The following XAGE5 variants were observed in gnomAD, a reference collection of about 807,000 sequenced individuals.
XAGE5 encodes the protein G antigen, family D, 5.
A neutral mutation model predicts 13.1 loss-of-function variants in XAGE5; 13 were observed. The ratio of observed to expected loss-of-function variants is 0.99; its 90% CI spans 0.64 to 1.57. The LOEUF is 1.57. XAGE5 is among the 40% of genes most tolerant of loss of function. XAGE5 has a pLI of 0.00. For missense variants in XAGE5, 86 were observed against 77.6 expected (o/e 1.11, Z -0.41); for synonymous variants, 17 against 25.0 (o/e 0.68, Z 0.96).
At chrX:52,812,880 C>A (rs1556777564) in intron 3 of XAGE5, among the ~76,000 whole-genome samples, 1 of 111,357 alleles carries the variant, frequency 9.0e-6, no homozygotes, top group Non-Finnish European at 1.9e-5. Flanking sequence ...GCACATTACA[C>A]CCATTCAACC....
chrX:52,811,588 G>A lies in XAGE5; in HGVS notation c.-140G>A, dbSNP rs1283141110. 9.0e-6 allele frequency among the ~76,000 whole-genome samples: 1 copy of A among 111,012 alleles called. No homozygotes were observed. The highest frequency in any genetic ancestry group is 1.9e-5 in the Non-Finnish European group (1 of 52,972). Reference sequence around the variant, plus strand: ...AAGAAGGAGGGCTTCGGAGTGCGACGGGGGTTAGGTGAAGCTGGGGCAATG... The same window carrying A: ...AAGAAGGAGGGCTTCGGAGTGCGACAGGGGTTAGGTGAAGCTGGGGCAATG... On this transcript the variant is annotated 5_prime_UTR_variant, in exon 2 of 6. Transcript: ENST00000375501.
At chrX:52,813,115 A>C in intron 3 of XAGE5, 25 bp from the exon 4 acceptor site, 1 of 1,194,083 alleles carries the variant, frequency 8.4e-7, no homozygotes, top group Non-Finnish European at 1.1e-6. Context: ...ACACACACAC[A>C]CCACCACCCC....
chrX:52,813,649 T>C (rs185486018), intron 4 of XAGE5, among the ~76,000 whole-genome samples: 25 of 111,787 alleles, frequency 2.2e-4, no homozygotes, highest in Non-Finnish European at 4.5e-4. Flanking sequence ...CAAGTCACCC[T>C]ACCATATAAC....
At chrX:52,813,306 C>T in intron 4 of XAGE5, 61 bp downstream of exon 4, 1 of 1,027,094 alleles carries the variant, frequency 9.7e-7, no homozygotes, top group Non-Finnish European at 1.4e-6. Flanking sequence ...TGCATCACGC[C>T]TTATGCCATG....
intron 5 of XAGE5, among the ~76,000 whole-genome samples, chrX:52,815,533 A>G (rs1405300467): frequency 8.9e-6 from 1 of 112,774 alleles, no homozygotes; most frequent in Non-Finnish European, 1.9e-5. Flanking sequence ...ATACACTCGT[A>G]ATACCTCTTT....
In XAGE5 at chrX:52,811,610, A is replaced by G. The variant is rs1556777327; in HGVS notation, c.-118A>G. On this transcript the variant is annotated 5_prime_UTR_variant, in exon 2 of 6. Coordinates refer to ENST00000375501, the MANE Select transcript of XAGE5 (RefSeq NM_001386970.1). Reference sequence around the variant, plus strand: ...GACGGGGGTTAGGTGAAGCTGGGGCAATGCTGGGGTGCTGTTGGTGGTATT... The same window carrying G: ...GACGGGGGTTAGGTGAAGCTGGGGCGATGCTGGGGTGCTGTTGGTGGTATT... Among the ~76,000 whole-genome samples the G allele has an allele frequency of 9.0e-6, 1 of 110,592 alleles. No homozygotes were observed.
chrX:52,812,833 G>A (rs781833836), intron 3 of XAGE5, among the ~76,000 whole-genome samples, 195 bp downstream of exon 3: 3 of 111,429 alleles, frequency 2.7e-5, no homozygotes, highest in African/African-American at 3.3e-5. Flanking sequence ...TGTGTTCCTC[G>A]ATTTCACTGG....
rs1175964775 is a variant in XAGE5 at position 52,815,005 on chromosome X, G to T, written c.179-87G>T. 1.0e-5 allele frequency: 11 copies of T among 1,098,305 alleles called. No individual in the cohort carries two copies. In the African/African-American group the frequency reaches 1.8e-4, roughly 18 times the overall value. The allele number at this position is 1,098,305 out of a possible 1,213,427, so 90.5% of individuals were successfully genotyped here. A position where few individuals can be genotyped will look rare whatever the true frequency, so the allele number is the denominator to read the frequency against. On this transcript the variant is annotated intron_variant, in intron 4 of 5. Coordinates refer to ENST00000375501, the MANE Select transcript of XAGE5 (RefSeq NM_001386970.1). ...CCACAGTAGCCTCTAGGCTTTTATT[G>T]CACAACACTGAGGAAAAGAATAGGA...
chrX:52,818,057 C>G, intron 5 of XAGE5, 134 bp from the exon 6 acceptor site: 2 of 725,030 alleles, frequency 2.8e-6, no homozygotes, highest in Non-Finnish European at 4.1e-6. Context: ...GAATATTAGC[C>G]GTAGGGAGAC....
chrX:52,815,887 G>A lies in XAGE5; in HGVS notation c.304+670G>A, dbSNP rs188742665. On this transcript the variant is annotated intron_variant, in intron 5 of 5. Transcript: ENST00000375501. Reference sequence around the variant, plus strand: ...AAGGAGACCTTCATGAGTGTTCTTGGATTTTGTCAAATCCTGAATTCTCTC... The same window carrying A: ...AAGGAGACCTTCATGAGTGTTCTTGAATTTTGTCAAATCCTGAATTCTCTC... Among the ~76,000 whole-genome samples, 434 of 112,138 alleles carry A rather than the reference G, an allele frequency of 3.9e-3. 2 individuals carry two copies. The highest frequency in any genetic ancestry group is 9.2e-3 in the Middle Eastern group (2 of 218).
intron 5 of XAGE5, among the ~76,000 whole-genome samples, chrX:52,816,379 G>T (rs1206448217): frequency 4.4e-5 from 5 of 112,446 alleles, no homozygotes; most frequent in African/African-American, 6.5e-5. Context: ...ATGAAGTAGG[G>T]AACATGCATG....
rs370695978 is a variant in XAGE5, at chrX:52,812,656, C to T, written c.72+18C>T. 5.8e-6 allele frequency: 7 copies of T among 1,204,109 alleles called. No homozygotes were observed. In the African/African-American group the frequency reaches 7.0e-5, roughly 12 times the overall value. On this transcript the variant is annotated intron_variant, in intron 3 of 5. Coordinates refer to ENST00000375501, the MANE Select transcript of XAGE5 (RefSeq NM_001386970.1). ...CTATGCTTGTGAGTGACTTCACATTCGATTTTTTTCTACTAGCAGAAATTT... is the reference window on the plus strand; with the variant it reads ...CTATGCTTGTGAGTGACTTCACATTTGATTTTTTTCTACTAGCAGAAATTT...
rs1206400785 is a variant in XAGE5 at position 52,818,238 on chromosome X, A to T, written c.*25A>T. On this transcript the variant is annotated 3_prime_UTR_variant, in exon 6 of 6. Transcript: ENST00000375501. ...AACGAAGACAACCAAAAGAATGCAA[A>T]CTGGATTTATCCGAGATATTTGACT... 3.3e-6 allele frequency: 4 copies of T among 1,208,578 alleles called. No individual in the cohort carries two copies. The highest frequency in any genetic ancestry group is 4.5e-6 in the Non-Finnish European group (4 of 893,845).
chrX:52,817,774 T>G (rs1926935300), intron 5 of XAGE5, among the ~76,000 whole-genome samples: 1 of 112,229 alleles, frequency 8.9e-6, no homozygotes, highest in Non-Finnish European at 1.9e-5. Context: ...AAGCCAAAAC[T>G]TTAAATTATG....
chrX:52,811,891 C>G (rs781927049), intron 2 of XAGE5, among the ~76,000 whole-genome samples, 172 bp downstream of exon 2: 1 of 111,089 alleles, frequency 9.0e-6, no homozygotes, highest in South Asian at 3.9e-4. Context: ...TGCATTCCAA[C>G]AAAACTCGAT....
Position 52,814,831 on chromosome X carries a change from T to C in XAGE5, c.179-261T>C, listed in dbSNP as rs781886279. 22 of 299,577 alleles carry C rather than the reference T, an allele frequency of 7.3e-5. No individual in the cohort carries two copies. In the Admixed American group the frequency reaches 1.0e-3, roughly 14 times the overall value. The allele number at this position is 299,577 out of a possible 1,213,427, so 24.7% of individuals were successfully genotyped here. A position where few individuals can be genotyped will look rare whatever the true frequency, so the allele number is the denominator to read the frequency against. On this transcript the variant is annotated intron_variant, in intron 4 of 5. Transcript: ENST00000375501. The stretch of plus-strand genomic sequence containing the variant: ...TACATTTAAGTTATGATTAAAATGC[T>C]ATCCGTGAGGCCGTCTTCAGTTTTC...
chrX:52,813,340 C>A (rs1926841921), intron 4 of XAGE5, 95 bp downstream of exon 4: 3 of 851,652 alleles, frequency 3.5e-6, no homozygotes, highest in Non-Finnish European at 5.1e-6. Flanking sequence ...GGAAAGAAAG[C>A]AATAGGAAAG....
Position 52,813,181 on chromosome X carries a change from T to G in XAGE5, c.114T>G (p.Thr38=). The change falls in exon 4 of 6, where the codon ACT becomes ACG. Residue 38 remains threonine, a synonymous_variant. Coordinates refer to ENST00000375501, the MANE Select transcript of XAGE5 (RefSeq NM_001386970.1). ...VPEPQQEEPP[T]ESQDHTPGQK... ...AGCCTCAACAAGAAGAACCACCAAC[T>G]GAAAGTCAGGATCATACACCTGGTC... 8.3e-7 allele frequency: 1 copy of G among 1,210,375 alleles called. No homozygotes were observed. The highest frequency in any genetic ancestry group is 1.1e-6 in the Non-Finnish European group (1 of 894,868).
intron 5 of XAGE5, among the ~76,000 whole-genome samples, chrX:52,815,740 T>A (rs1926894181): frequency 8.9e-6 from 1 of 112,208 alleles, no homozygotes; most frequent in Admixed American, 9.5e-5. Flanking sequence ...TACAAAGATA[T>A]TCGGATTTTC....
Sources: gnomAD v4.1 joint callset for allele counts (sites outside exome capture counted in the v4.1 genomes callset) on GRCh38, gnomAD v4.1.1 for gene constraint, MANE v1.5 for transcripts, NCBI Gene and HGNC (gene_info 2026-07-23, HGNC 2026-07-21) for gene names.